The following MGAT4C variants were observed in gnomAD, a reference collection of about 807,000 sequenced individuals.
The protein encoded by MGAT4C is MGAT4 family member C, also known as alpha-1,3-mannosyl-glycoprotein 4-beta-N-acetylglucosaminyltransferase C.
MGAT4C carries 19 observed loss-of-function variants against 40.1 expected under a neutral mutation model. That is an observed-to-expected ratio of 0.47 (90% CI 0.33 to 0.70). MGAT4C has a LOEUF of 0.70. Among genes scored for constraint, MGAT4C ranks in the 30% least tolerant of loss-of-function variants. The probability of loss-of-function intolerance (pLI) is 0.02; values close to 1 mark genes in which losing one functional copy is unlikely to be tolerated. For synonymous variants in MGAT4C, 181 were observed against 187.1 expected, an observed-to-expected ratio of 0.97 and a Z score of 0.27; for missense variants, 491 against 563.2, an observed-to-expected ratio of 0.87 and a Z score of 1.30.
chr12:86,633,999 A>C (rs952282834), intron 2 of MGAT4C, among the ~76,000 whole-genome samples: 1 of 152,116 alleles, frequency 6.6e-6, no homozygotes, highest in Non-Finnish European at 1.5e-5. Flanking sequence ...TGAAGAAATC[A>C]ACGGGGAAAC....
intron 2 of MGAT4C, among the ~76,000 whole-genome samples, chr12:86,639,433 T>C (rs1389256065): frequency 1.3e-5 from 2 of 151,640 alleles, no homozygotes; most frequent in African/African-American, 2.4e-5. Context: ...AAAATATATA[T>C]TTTGCCTGAA....
chr12:86,413,716 G>A (rs896158641), intron 3 of MGAT4C, among the ~76,000 whole-genome samples: 1 of 152,156 alleles, frequency 6.6e-6, no homozygotes, highest in Non-Finnish European at 1.5e-5. Context: ...TGTTACACTA[G>A]GGGGTCTGCC....
At chr12:86,187,181 A>C (rs1325705534) in intron 1 of MGAT4C, among the ~76,000 whole-genome samples, 1 of 152,076 alleles carries the variant, frequency 6.6e-6, no homozygotes, top group Non-Finnish European at 1.5e-5. Context: ...ATGTATCACA[A>C]ATCATAAAGA....
At chr12:86,311,397 T>C (rs1223998292) in intron 4 of MGAT4C, among the ~76,000 whole-genome samples, 1 of 152,240 alleles carries the variant, frequency 6.6e-6, no homozygotes, top group Admixed American at 6.5e-5. Flanking sequence ...ATATGCGGTC[T>C]GTCGCTGACT....
rs539728136 is a variant in MGAT4C, at chr12:85,959,706, T to C, written c.*19583A>G. 2.2e-4 allele frequency: 31 copies of C among 137,968 alleles called. No homozygotes were observed. Among genetic ancestry groups the C allele is most frequent in the South Asian group, 4.7e-4 (2 of 4,284 alleles). 8.5% of individuals were successfully genotyped at this position (137,968 alleles called of 1,614,324 possible). The stretch of plus-strand genomic sequence containing the variant: ...TTAACAATTTCTCACTTTTTTCTGC[T>C]TTTTTTTTTTTTTTATTTTCTGCTT... On this transcript the variant is annotated 3_prime_UTR_variant, in exon 5 of 5. Transcript: ENST00000611864.
chr12:86,496,037 C>T (rs1193315584), intron 2 of MGAT4C, among the ~76,000 whole-genome samples: 1 of 151,638 alleles, frequency 6.6e-6, no homozygotes, highest in Non-Finnish European at 1.5e-5. Flanking sequence ...GACTTAACTC[C>T]TACCTCCTTC....
At chr12:86,289,468 T>C (rs974085128) in intron 4 of MGAT4C, among the ~76,000 whole-genome samples, 2 of 152,200 alleles carry the variant, frequency 1.3e-5, no homozygotes, top group Admixed American at 1.3e-4. Flanking sequence ...TTGATAGGAA[T>C]AGTAATGAAT....
intron 2 of MGAT4C, among the ~76,000 whole-genome samples, chr12:86,480,140 C>T (rs1957907899): frequency 6.6e-6 from 1 of 151,502 alleles, no homozygotes; most frequent in African/African-American, 2.4e-5. Context: ...TTTTTATTTT[C>T]TATAAAAGTT....
chr12:86,126,997 T>C lies in MGAT4C; in HGVS notation c.-56-77274A>G, dbSNP rs371288633. ...GAACACACAACCTAGATCCCTCACA[T>C]GTGCAGTTCACAATAGGGTTCACAC... On this transcript the variant is annotated intron_variant, in intron 1 of 4. Transcript: ENST00000611864. Among the ~76,000 whole-genome samples, 11 of 152,306 alleles carry C rather than the reference T, an allele frequency of 7.2e-5. No homozygotes were observed. The East Asian group carries it at 9.7e-4, about 13-fold the overall frequency.
intron 1 of MGAT4C, among the ~76,000 whole-genome samples, chr12:86,148,278 G>A (rs1379064100): frequency 6.6e-6 from 1 of 152,142 alleles, no homozygotes; most frequent in Non-Finnish European, 1.5e-5. Flanking sequence ...TGTACGACAA[G>A]CCTCCATGAT....
At chr12:86,446,278 C>T (rs1957333059) in intron 2 of MGAT4C, among the ~76,000 whole-genome samples, 1 of 151,814 alleles carries the variant, frequency 6.6e-6, no homozygotes, top group Admixed American at 6.6e-5. Flanking sequence ...TTAAAAAGTT[C>T]CAGTAAAAAA....
chr12:86,150,900 T>C (rs1197191000), intron 1 of MGAT4C, among the ~76,000 whole-genome samples: 1 of 152,188 alleles, frequency 6.6e-6, no homozygotes, highest in Non-Finnish European at 1.5e-5. Context: ...TAACAATGCA[T>C]GATAAGTGCT....
At chr12:86,185,537 A>T (rs1482075124) in intron 1 of MGAT4C, among the ~76,000 whole-genome samples, 2 of 152,120 alleles carry the variant, frequency 1.3e-5, no homozygotes, top group Non-Finnish European at 2.9e-5. Context: ...ACAAACAATG[A>T]TAACAAACAA....
chr12:86,331,915 A>G (rs1007052990), intron 4 of MGAT4C, among the ~76,000 whole-genome samples: 2 of 152,188 alleles, frequency 1.3e-5, no homozygotes, highest in African/African-American at 4.8e-5. Flanking sequence ...AAAAGGTCTA[A>G]TAGGTTCCCT....
At chr12:86,451,707 A>T (rs548143258) in intron 2 of MGAT4C, among the ~76,000 whole-genome samples, 1 of 152,178 alleles carries the variant, frequency 6.6e-6, no homozygotes, top group African/African-American at 2.4e-5. Context: ...GTTCTTCAAG[A>T]TGGATAGTCT....
chr12:86,163,604 A>G lies in MGAT4C; in HGVS notation c.-57+92635T>C, dbSNP rs76826754. ...AGATTTTTTTTTGTTGAAGTATTGA[A>G]TAAATCCATGTTATCACTAGATCAG... On this transcript the variant is annotated intron_variant, in intron 1 of 4. Coordinates refer to ENST00000611864, the MANE Select transcript of MGAT4C (RefSeq NM_001351288.2). 5.2e-3 allele frequency among the ~76,000 whole-genome samples: 796 copies of G among 152,286 alleles called. 7 individuals are homozygous for G. The highest frequency in any genetic ancestry group is 0.018 in the African/African-American group (758 of 41,560).
At chr12:85,992,804 G>T (rs1250646922) in intron 2 of MGAT4C, among the ~76,000 whole-genome samples, 1 of 152,212 alleles carries the variant, frequency 6.6e-6, no homozygotes, top group Non-Finnish European at 1.5e-5. Context: ...CCATGTGCTG[G>T]CCTTCTTTGC....
chr12:86,154,838 C>T (rs895162206), intron 1 of MGAT4C, among the ~76,000 whole-genome samples: 1 of 152,118 alleles, frequency 6.6e-6, no homozygotes, highest in African/African-American at 2.4e-5. Flanking sequence ...TTCCCACGTG[C>T]CTGATCCTGT....
chr12:86,534,147 G>A (rs1486203910), intron 2 of MGAT4C, among the ~76,000 whole-genome samples: 2 of 151,958 alleles, frequency 1.3e-5, no homozygotes, highest in African/African-American at 4.8e-5. Flanking sequence ...AATTCACCAA[G>A]AGAGTTTGCC....
Sources: gnomAD v4.1 joint callset for allele counts (sites outside exome capture counted in the v4.1 genomes callset) on GRCh38, gnomAD v4.1.1 for gene constraint, MANE v1.5 for transcripts, NCBI Gene and HGNC (gene_info 2026-07-23, HGNC 2026-07-21) for gene names.